PC: variants seen among roughly 807,000 people sequenced by gnomAD.
PC encodes the protein pyruvate carboxylase, mitochondrial.
A neutral mutation model predicts 107.8 loss-of-function variants in PC; 46 were observed. The observed-to-expected ratio is 0.43, with a 90% confidence interval of 0.34 to 0.55. The LOEUF (loss-of-function observed/expected upper bound fraction) is 0.55, where lower values mean the gene tolerates loss of function less well. Among genes scored for constraint, PC ranks in the 20% least tolerant of loss-of-function variants. The pLI is 0.04. For missense variants in PC, 1,241 were observed against 1,643.1 expected, an observed-to-expected ratio of 0.76 and a Z score of 4.23; for synonymous variants, 662 against 684.7, an observed-to-expected ratio of 0.97 and a Z score of 0.52.
At chr11:66,856,966 G>A (rs1294372796) in intron 12 of PC, 1 of 146,942 alleles carries the variant, frequency 6.8e-6, no homozygotes, top group African/African-American at 2.4e-5. Context: ...CAGCGGCCGC[G>A]TGTCCCCGTG....
intron 3 of PC, among the ~76,000 whole-genome samples, chr11:66,941,705 G>C (rs534652547): frequency 1.9e-4 from 29 of 152,204 alleles, no homozygotes; most frequent in African/African-American, 6.0e-4. Flanking sequence ...TGTTAGCCAG[G>C]ATGGTATCGA....
chr11:66,951,989 C>T (rs1043235677), intron 3 of PC, among the ~76,000 whole-genome samples: 6 of 152,176 alleles, frequency 3.9e-5, no homozygotes, highest in South Asian at 4.1e-4. Flanking sequence ...CCGTTGTTAC[C>T]GTGACTGGCA....
intron 2 of PC, among the ~76,000 whole-genome samples, chr11:66,953,941 T>G (rs767538993): frequency 2.3e-4 from 35 of 152,210 alleles, no homozygotes; most frequent in African/African-American, 8.0e-4. Context: ...AATCACATTA[T>G]GTGTATGTAA....
chr11:66,870,030 C>T lies in PC; in HGVS notation c.903+272G>A, dbSNP rs957917063. Reference sequence around the variant, plus strand: ...CAGAGAAGCCAGGTCTGTGTAGCAGCAGGGCTGAGGAGGCGGCTGGGGCTC... The same window carrying T: ...CAGAGAAGCCAGGTCTGTGTAGCAGTAGGGCTGAGGAGGCGGCTGGGGCTC... On this transcript the variant is annotated intron_variant, in intron 9 of 22. Transcript: ENST00000393960. This position sits in a 1 kb window ranked among gnomAD's most constrained non-coding sequence, Gnocchi z 6.1. Among the ~76,000 whole-genome samples the T allele has an allele frequency of 1.9e-4, 29 of 152,214 alleles. No individual in the cohort carries two copies. The highest frequency in any genetic ancestry group is 5.5e-4 in the African/African-American group (23 of 41,448).
chr11:66,852,583 G>A lies in PC; in HGVS notation c.1681C>T (p.Pro561Ser). ...EGFARAVRNH[P>S]GLLLMDTTFR... ...GTCGTGTCCATCAGCAGCAGCCCCG[G>A]GTGGTTCCGCACAGCTCGAGCAAAG... is the stretch of plus-strand genomic sequence containing the variant. The change falls in exon 15 of 23, where the codon CCG (proline) becomes TCG (serine). Residue 561 changes from proline (P) to serine (S), a missense_variant. Physicochemically the swap from Pro to Ser is moderately conservative, Grantham distance 74. This residue lies in a region of PC where 1,143 missense variants were observed against 1,551.9 expected (regional missense o/e 0.74). Coordinates refer to ENST00000393960, the MANE Select transcript of PC (RefSeq NM_001040716.2). The surrounding 1 kb of genome is among the most constrained non-coding windows in gnomAD (Gnocchi z 4.7). 2 of 1,614,040 alleles carry A rather than the reference G, an allele frequency of 1.2e-6. No homozygotes were observed. The highest frequency in any genetic ancestry group is 1.1e-5 in the South Asian group (1 of 91,086).
At chr11:66,939,603 G>A (rs1949074142) in intron 3 of PC, among the ~76,000 whole-genome samples, 1 of 152,032 alleles carries the variant, frequency 6.6e-6, no homozygotes, top group Admixed American at 6.6e-5. Flanking sequence ...TCAGGAGTTT[G>A]AGACCAGCCT....
rs1565216196 is a variant in PC at position 66,852,860 on chromosome 11, T to C, written c.1514-24A>G. Reference sequence around the variant, plus strand: ...GCCTGGGGAGAAAGCGGGCAGTGGGTCAGGGTGGGCTGGGCAGAGGCTGAG... The same window carrying C: ...GCCTGGGGAGAAAGCGGGCAGTGGGCCAGGGTGGGCTGGGCAGAGGCTGAG... On this transcript the variant is annotated intron_variant, in intron 13 of 22. Transcript: ENST00000393960. The surrounding 1 kb of genome is among the most constrained non-coding windows in gnomAD (Gnocchi z 4.7). 2.0e-6 allele frequency: 3 copies of C among 1,509,550 alleles called. No individual in the cohort carries two copies. The highest frequency in any genetic ancestry group is 1.4e-5 in the African/African-American group (1 of 72,648). The allele number at this position is 1,509,550 out of a possible 1,614,324, so 93.5% of individuals were successfully genotyped here.
chr11:66,894,961 G>A (rs1947703419), intron 3 of PC, among the ~76,000 whole-genome samples: 1 of 150,492 alleles, frequency 6.6e-6, no homozygotes, highest in Non-Finnish European at 1.5e-5. Context: ...GGCGGAAGCT[G>A]AAGTGAGCCG....
intron 3 of PC, among the ~76,000 whole-genome samples, chr11:66,915,601 G>A (rs1362497680): frequency 6.6e-6 from 1 of 152,202 alleles, no homozygotes; most frequent in African/African-American, 2.4e-5. Flanking sequence ...GATCCTGCAG[G>A]GAGCAAGGGC....
At chr11:66,864,388 G>A (rs546912193) in intron 11 of PC, among the ~76,000 whole-genome samples, 23 of 152,382 alleles carry the variant, frequency 1.5e-4, no homozygotes, top group Admixed American at 7.2e-4. Flanking sequence ...GGGCCTCGCC[G>A]TGGGCTCCCA....
At chr11:66,942,036 AG>A (rs1949146010) in intron 3 of PC, among the ~76,000 whole-genome samples, 1 of 150,648 alleles carries the variant, frequency 6.6e-6, no homozygotes, top group Admixed American at 6.6e-5. Context: ...CGGGAGGCAG[AG>A]GTTGTAGTGA....
At chr11:66,910,484 C>T (rs1010073857) in intron 3 of PC, among the ~76,000 whole-genome samples, 3 of 152,142 alleles carry the variant, frequency 2.0e-5, no homozygotes, top group South Asian at 2.1e-4. Flanking sequence ...TTCATTTATT[C>T]GGAAAGCTTG....
chr11:66,871,648 G>T lies in PC; in HGVS notation c.321+39C>A. On this transcript the variant is annotated intron_variant, in intron 5 of 22. Coordinates refer to ENST00000393960, the MANE Select transcript of PC (RefSeq NM_001040716.2). This position sits in a 1 kb window ranked among gnomAD's most constrained non-coding sequence, Gnocchi z 7.4. ...CCCCCGCGGCAACTAAGACTCCCTG[G>T]TCCCTGCTGTCCAGGCCCAGCCAGG... is the stretch of plus-strand genomic sequence containing the variant. The T allele has an allele frequency of 6.4e-7, 1 of 1,561,142 alleles. No homozygotes were observed.
chr11:66,937,747 A>T (rs1949033163), intron 3 of PC, among the ~76,000 whole-genome samples: 1 of 150,758 alleles, frequency 6.6e-6, no homozygotes, highest in South Asian at 2.1e-4. Context: ...CAGTAACTAC[A>T]CAGTTCAACT....
intron 1 of PC, among the ~76,000 whole-genome samples, chr11:66,956,324 C>A (rs1165686769): frequency 2.0e-5 from 3 of 152,066 alleles, no homozygotes. Context: ...ATGGCTCATG[C>A]CTATAATCCC....
Position 66,857,964 on chromosome 11 carries a change from C to T in PC, c.1369-4581G>A. The T allele has an allele frequency of 1.2e-6, 2 of 1,612,590 alleles. No homozygotes were observed. The highest frequency in any genetic ancestry group is 1.7e-6 in the Non-Finnish European group (2 of 1,179,950). On this transcript the variant is annotated intron_variant, in intron 12 of 22. Transcript: ENST00000393960. This position sits in a 1 kb window ranked among gnomAD's most constrained non-coding sequence, Gnocchi z 7.1. ...CCCTGACTTCCGCAACATGACGGGA[C>T]TGGTGGACCTGACACTGTCTCGCAA...
At chr11:66,909,097 C>G (rs1274457443) in intron 3 of PC, among the ~76,000 whole-genome samples, 1 of 152,212 alleles carries the variant, frequency 6.6e-6, no homozygotes, top group East Asian at 1.9e-4. Context: ...CCCTGTTCCC[C>G]GTGTCCAGTG....
chr11:66,859,710 C>T (rs141080633), intron 12 of PC: 7 of 1,612,222 alleles, frequency 4.3e-6, no homozygotes, highest in Non-Finnish European at 5.9e-6. Flanking sequence ...CCTCTGCCTG[C>T]TGGCCTTGTC....
chr11:66,856,055 GGTGGTGGCGGGC>G (rs1419234532), intron 12 of PC, among the ~76,000 whole-genome samples: 3 of 152,142 alleles, frequency 2.0e-5, no homozygotes, highest in Non-Finnish European at 4.4e-5. Flanking sequence ...GCAGACCACT[GGTGGTGGCGGGC>G]ACAGCTGGAA....
Sources: allele counts gnomAD v4.1 joint callset (sites outside exome capture counted in the v4.1 genomes callset), GRCh38; gene constraint gnomAD v4.1.1; regional missense constraint gnomAD v4.1.1; non-coding constraint Gnocchi (gnomAD v3.1); transcripts MANE v1.5; gene names NCBI Gene and HGNC (gene_info 2026-07-23, HGNC 2026-07-21).